TSHZ2: variants seen among roughly 807,000 people sequenced by gnomAD.
TSHZ2 encodes teashirt zinc finger homeobox 2.
A neutral mutation model predicts 74.4 loss-of-function variants in TSHZ2; 21 were observed. The observed-to-expected ratio is 0.28, with a 90% CI of 0.20 to 0.41. TSHZ2 has a LOEUF of 0.41. TSHZ2 is among the 10% of genes least tolerant of loss of function. The probability of loss-of-function intolerance (pLI) is 1.00; values close to 1 mark genes in which losing one functional copy is unlikely to be tolerated. For synonymous variants in TSHZ2, 540 were observed against 515.3 expected (o/e 1.05, Z -0.65); for missense variants, 1,244 against 1,293.5 (o/e 0.96, Z 0.59).
intron 1 of TSHZ2, 68 bp from the exon 2 acceptor site, chr20:53,253,431 A>G (rs1990373124): frequency 4.6e-6 from 7 of 1,519,528 alleles, no homozygotes; most frequent in East Asian, 2.3e-5. Flanking sequence ...CACTTAGTCT[A>G]TGTGAGGAAA....
chr20:53,322,715 G>A (rs142923217), intron 2 of TSHZ2, among the ~76,000 whole-genome samples: 1 of 152,248 alleles, frequency 6.6e-6, no homozygotes, highest in Non-Finnish European at 1.5e-5. Flanking sequence ...CAAATGCAGG[G>A]AGCTGGGCCT....
intron 2 of TSHZ2, among the ~76,000 whole-genome samples, chr20:53,288,761 A>T (rs1296477016): frequency 6.6e-6 from 1 of 152,228 alleles, no homozygotes; most frequent in Non-Finnish European, 1.5e-5. Flanking sequence ...AGAAGAGAAA[A>T]AGAAGAGCAA....
At chr20:53,365,608 G>A (rs887095845) in intron 2 of TSHZ2, among the ~76,000 whole-genome samples, 1 of 152,146 alleles carries the variant, frequency 6.6e-6, no homozygotes, top group Non-Finnish European at 1.5e-5. Flanking sequence ...CAAAGCAAAG[G>A]TGTGGTCCCC....
At chr20:53,147,482 A>G (rs951829570) in intron 1 of TSHZ2, among the ~76,000 whole-genome samples, 7 of 152,252 alleles carry the variant, frequency 4.6e-5, no homozygotes, top group African/African-American at 1.7e-4. Flanking sequence ...AAATGTTCAC[A>G]AAGATTTAAT....
intron 1 of TSHZ2, among the ~76,000 whole-genome samples, chr20:53,091,730 T>G (rs6097225): frequency 0.074 from 11,297 of 152,160 alleles, 980 homozygotes; most frequent in African/African-American, 0.21. Context: ...CTTCAGAAAT[T>G]CAGAGAGTGT....
intron 1 of TSHZ2, among the ~76,000 whole-genome samples, chr20:53,249,521 C>T (rs1990277528): frequency 6.6e-6 from 1 of 152,146 alleles, no homozygotes; most frequent in South Asian, 2.1e-4. Flanking sequence ...TGGATAGTTA[C>T]ACAGAGCAGG....
chr20:53,336,083 A>G (rs1979937076), intron 2 of TSHZ2, among the ~76,000 whole-genome samples: 1 of 152,234 alleles, frequency 6.6e-6, no homozygotes, highest in Non-Finnish European at 1.5e-5. Context: ...GGGAAAGCTT[A>G]TATTTTCTCA....
At chr20:53,234,246 C>T (rs762572958) in intron 1 of TSHZ2, among the ~76,000 whole-genome samples, 6 of 152,188 alleles carry the variant, frequency 3.9e-5, no homozygotes, top group Non-Finnish European at 8.8e-5. Context: ...AAACCCACAG[C>T]CAACCCAGAA....
At chr20:53,199,417 T>A (rs763243629) in intron 1 of TSHZ2, among the ~76,000 whole-genome samples, 13 of 152,118 alleles carry the variant, frequency 8.5e-5, no homozygotes, top group Non-Finnish European at 1.3e-4. Flanking sequence ...GAAGTTGCAG[T>A]GAGCCAAGAT....
At chr20:53,052,757 A>G (rs1365265410) in intron 1 of TSHZ2, among the ~76,000 whole-genome samples, 1 of 152,218 alleles carries the variant, frequency 6.6e-6, no homozygotes, top group Non-Finnish European at 1.5e-5. Context: ...CTACAAATAC[A>G]GTATACAAGC....
At chr20:53,468,982 T>G (rs1985650785) in intron 2 of TSHZ2, among the ~76,000 whole-genome samples, 1 of 140,508 alleles carries the variant, frequency 7.1e-6, no homozygotes, top group South Asian at 2.3e-4. Context: ...TCAGTACAGA[T>G]CCAACTCAAC....
intron 1 of TSHZ2, among the ~76,000 whole-genome samples, chr20:53,008,689 A>G (rs1231476586): frequency 1.3e-5 from 2 of 152,130 alleles, no homozygotes. Context: ...GAGGAATTTT[A>G]GAGGAAAAGT....
intron 2 of TSHZ2, among the ~76,000 whole-genome samples, chr20:53,433,568 GACACACAGACACACAGACACACACAC>G (rs1459127931): frequency 2.2e-5 from 2 of 89,014 alleles, no homozygotes; most frequent in Admixed American, 2.3e-4. Context: ...AACCAACACA[GACACACAGACACACAGACACACACAC>G]ACACACACAC....
intron 2 of TSHZ2, among the ~76,000 whole-genome samples, chr20:53,433,584 G>C (rs6126838): frequency 0.019 from 2,560 of 137,046 alleles, 74 homozygotes; most frequent in African/African-American, 0.062. Context: ...CAGACACACA[G>C]ACACACACAC....
intron 1 of TSHZ2, among the ~76,000 whole-genome samples, chr20:53,218,079 G>A (rs1054732059): frequency 2.6e-5 from 4 of 152,200 alleles, no homozygotes; most frequent in South Asian, 2.1e-4. Context: ...TGAAGGAGCC[G>A]CAAATGGCAG....
At chr20:53,134,457 A>G (rs1987191235) in intron 1 of TSHZ2, among the ~76,000 whole-genome samples, 1 of 152,162 alleles carries the variant, frequency 6.6e-6, no homozygotes, top group East Asian at 1.9e-4. Flanking sequence ...CCTCAATATA[A>G]ATTTTCTCAT....
At chr20:53,463,417 AG>A (rs1348619301) in intron 2 of TSHZ2, among the ~76,000 whole-genome samples, 3,393 of 125,884 alleles carry the variant, frequency 0.027, 115 homozygotes, top group Middle Eastern at 0.053. Context: ...GAAGGAAGGA[AG>A]GAAGGAAGGA....
rs181820814 is a variant in TSHZ2, at chr20:53,123,100, C to T, written c.41-130399C>T. ...AAGTATCTCCTCACTGTCACCAATC[C>T]GGCTTCTCCAGCCACCTCTCCATCA... is the stretch of plus-strand genomic sequence containing the variant. On this transcript the variant is annotated intron_variant, in intron 1 of 2. Coordinates refer to ENST00000371497, the MANE Select transcript of TSHZ2 (RefSeq NM_173485.6). 2.8e-4 allele frequency among the ~76,000 whole-genome samples: 42 copies of T among 152,318 alleles called. 1 individual carries two copies. The highest frequency in any genetic ancestry group is 2.1e-3 in the Admixed American group (32 of 15,304).
chr20:53,259,248 A>C (rs1371098333), intron 2 of TSHZ2, among the ~76,000 whole-genome samples: 1 of 152,260 alleles, frequency 6.6e-6, no homozygotes, highest in Non-Finnish European at 1.5e-5. Flanking sequence ...GATTTCTTGG[A>C]AACTATGAGA....
Sources: gnomAD v4.1 joint callset for allele counts (sites outside exome capture counted in the v4.1 genomes callset) on GRCh38, gnomAD v4.1.1 for gene constraint, MANE v1.5 for transcripts, NCBI Gene and HGNC (gene_info 2026-07-23, HGNC 2026-07-21) for gene names.